GALNT13: variants seen among roughly 807,000 people sequenced by gnomAD.
GALNT13 encodes the protein UDP-GalNAc:polypeptide N-acetylgalactosaminyltransferase 13.
Under a neutral mutation model 64.2 loss-of-function variants are expected in GALNT13, and 28 were observed. That is an observed-to-expected ratio of 0.44 (90% confidence interval 0.32 to 0.60). GALNT13 has a LOEUF of 0.60. Ranked by LOEUF, GALNT13 falls within the 20% of genes least tolerant of loss-of-function variation. The pLI, the probability that GALNT13 is intolerant of heterozygous loss-of-function variation, is 0.05. For missense variants in GALNT13, 577 were observed against 669.8 expected (o/e 0.86, Z 1.53); for synonymous variants, 214 against 224.6 (o/e 0.95, Z 0.42).
intron 9 of GALNT13, among the ~76,000 whole-genome samples, chr2:154,386,963 G>C (rs546274105): frequency 6.6e-6 from 1 of 152,202 alleles, no homozygotes; most frequent in East Asian, 1.9e-4. Context: ...TCCTCTTCCT[G>C]TGTGACAGCT....
At chr2:153,607,813 G>A in the GALNT13 span, among the ~76,000 whole-genome samples, 3 of 151,898 alleles carry the variant, frequency 2.0e-5, no homozygotes, top group Non-Finnish European at 4.4e-5. Context: ...CCAGAAATAC[G>A]CAATCATGGA....
At chr2:153,624,725 G>C in the GALNT13 span, among the ~76,000 whole-genome samples, 1 of 151,628 alleles carries the variant, frequency 6.6e-6, no homozygotes, top group African/African-American at 2.4e-5. Context: ...AAACCTTGTG[G>C]TCTGCTCTAA....
At chr2:153,566,597 G>T in the GALNT13 span, among the ~76,000 whole-genome samples, 1 of 152,048 alleles carries the variant, frequency 6.6e-6, no homozygotes, top group South Asian at 2.1e-4. Context: ...CTTGTGATCC[G>T]CCTGCCTTGG....
chr2:153,595,259 GA>G, the GALNT13 span, among the ~76,000 whole-genome samples: 659 of 150,198 alleles, frequency 4.4e-3, 6 homozygotes, highest in Middle Eastern at 0.028. Context: ...ATTTGATGGG[GA>G]AAAAAAATCA....
chr2:154,180,511 C>A (rs1346321867), intron 4 of GALNT13, among the ~76,000 whole-genome samples: 1 of 140,134 alleles, frequency 7.1e-6, no homozygotes, highest in Non-Finnish European at 1.5e-5. Flanking sequence ...TTATAAGTAC[C>A]TGTTAAAAAA....
the GALNT13 span, among the ~76,000 whole-genome samples, chr2:153,261,671 G>A: frequency 6.6e-6 from 1 of 152,102 alleles, no homozygotes. Context: ...GAACTCCAGT[G>A]ACCATTGCCT....
At chr2:153,348,009 C>A in the GALNT13 span, among the ~76,000 whole-genome samples, 1 of 152,142 alleles carries the variant, frequency 6.6e-6, no homozygotes, top group Non-Finnish European at 1.5e-5. Flanking sequence ...CAGTCTTGAC[C>A]ATGTGATTCT....
the GALNT13 span, among the ~76,000 whole-genome samples, chr2:153,636,083 A>G: frequency 1.3e-5 from 2 of 152,134 alleles, no homozygotes; most frequent in African/African-American, 4.8e-5. Context: ...CATGCTGGGA[A>G]AGAAATCAGA....
the GALNT13 span, among the ~76,000 whole-genome samples, chr2:153,256,470 C>G: frequency 2.0e-5 from 3 of 152,200 alleles, no homozygotes; most frequent in South Asian, 2.1e-4. Context: ...CTCAGCTCCT[C>G]AACGTCATTC....
chr2:153,287,870 C>T, the GALNT13 span, among the ~76,000 whole-genome samples: 1 of 152,176 alleles, frequency 6.6e-6, no homozygotes, highest in Non-Finnish European at 1.5e-5. Flanking sequence ...TCTGTCCTCA[C>T]CTAGGTCCGT....
intron 11 of GALNT13, chr2:154,437,455 CATT>C: frequency 1.0e-6 from 1 of 962,628 alleles, no homozygotes; most frequent in Non-Finnish European, 1.3e-6. Context: ...TGACCTTTCT[CATT>C]ATGTATTCTG....
chr2:153,177,017 G>A, the GALNT13 span, among the ~76,000 whole-genome samples: 1 of 152,092 alleles, frequency 6.6e-6, no homozygotes, highest in Non-Finnish European at 1.5e-5. Context: ...TCTCAGAAGA[G>A]CAATTTTTAT....
chr2:153,483,534 T>A, the GALNT13 span, among the ~76,000 whole-genome samples: 1 of 150,742 alleles, frequency 6.6e-6, no homozygotes, highest in East Asian at 2.0e-4. Flanking sequence ...CTCCTGCCTC[T>A]GCTTCCTGAG....
intron 3 of GALNT13, among the ~76,000 whole-genome samples, chr2:154,009,688 C>T (rs113762820): frequency 0.049 from 7,387 of 152,094 alleles, 240 homozygotes; most frequent in South Asian, 0.11. Context: ...GGGGGTTTCA[C>T]CATATTCATC....
At chr2:153,705,895 T>G in the GALNT13 span, among the ~76,000 whole-genome samples, 1 of 152,200 alleles carries the variant, frequency 6.6e-6, no homozygotes, top group Non-Finnish European at 1.5e-5. Flanking sequence ...ACTATTTCTC[T>G]TCAACATTTA....
the GALNT13 span, among the ~76,000 whole-genome samples, chr2:153,388,520 A>G: frequency 1.0e-3 from 158 of 152,218 alleles, no homozygotes; most frequent in African/African-American, 3.7e-3. Flanking sequence ...TTTTAGGTCT[A>G]TGGAACATTC....
the GALNT13 span, among the ~76,000 whole-genome samples, chr2:153,371,231 T>C: frequency 1.3e-5 from 2 of 152,222 alleles, no homozygotes; most frequent in African/African-American, 4.8e-5. Context: ...TAAAACTTCA[T>C]ATGTAGTAGT....
chr2:154,200,095 G>A (rs1462163882), intron 4 of GALNT13, among the ~76,000 whole-genome samples: 3 of 151,810 alleles, frequency 2.0e-5, no homozygotes, highest in Non-Finnish European at 4.4e-5. Flanking sequence ...AAATATTAAG[G>A]CATTAAAGTT....
chr2:153,678,485 C>T, the GALNT13 span, among the ~76,000 whole-genome samples: 3 of 151,956 alleles, frequency 2.0e-5, no homozygotes, highest in Non-Finnish European at 4.4e-5. Context: ...ATTGAGTACA[C>T]ACGGACACAA....
Sources: gnomAD v4.1 joint callset for allele counts (sites outside exome capture counted in the v4.1 genomes callset) on GRCh38, gnomAD v4.1.1 for gene constraint, MANE v1.5 for transcripts, NCBI Gene and HGNC (gene_info 2026-07-23, HGNC 2026-07-21) for gene names.